AOPEP: variants seen among roughly 807,000 people sequenced by gnomAD.
AOPEP encodes aminopeptidase O.
A neutral mutation model predicts 98.1 loss-of-function variants in AOPEP; 77 were observed. That is an observed-to-expected ratio of 0.78 (90% CI 0.65 to 0.95). The LOEUF (loss-of-function observed/expected upper bound fraction) is 0.95. Among genes scored for constraint, AOPEP ranks in the 40% least tolerant of loss-of-function variants. The probability of loss-of-function intolerance (pLI) is 0.00; values close to 1 mark genes in which losing one functional copy is unlikely to be tolerated. For synonymous variants in AOPEP, 346 were observed against 365.3 expected, an observed-to-expected ratio of 0.95 and a Z score of 0.60; for missense variants, 1,024 against 1,024.7, an observed-to-expected ratio of 1.00 and a Z score of 0.01.
chr9:95,147,584 C>T, the AOPEP span, among the ~76,000 whole-genome samples: 1 of 152,158 alleles, frequency 6.6e-6, no homozygotes, highest in Non-Finnish European at 1.5e-5. Flanking sequence ...GAGATGGAGA[C>T]ATCTGCTACA....
At chr9:94,996,975 A>C (rs879663037) in intron 11 of AOPEP, among the ~76,000 whole-genome samples, 2 of 152,212 alleles carry the variant, frequency 1.3e-5, no homozygotes, top group Non-Finnish European at 2.9e-5. Context: ...GTTCATTTCA[A>C]GGGAATGGAT....
At chr9:94,754,064 A>C (rs1340706016) in intron 1 of AOPEP, among the ~76,000 whole-genome samples, 16 of 152,236 alleles carry the variant, frequency 1.1e-4, no homozygotes, top group Admixed American at 1.0e-3. Context: ...ATTTATATAC[A>C]TCAACATGTC....
chr9:94,946,824 A>ACTGAACACAGCCTGCTTTGAGG (rs2057684623), intron 7 of AOPEP, among the ~76,000 whole-genome samples: 1 of 152,158 alleles, frequency 6.6e-6, no homozygotes, highest in Non-Finnish European at 1.5e-5. Flanking sequence ...TGACAACTGA[A>ACTGAACACAGCCTGCTTTGAGG]CTGAACACAG....
At chr9:95,137,870 G>A in the AOPEP span, among the ~76,000 whole-genome samples, 2 of 152,212 alleles carry the variant, frequency 1.3e-5, no homozygotes, top group African/African-American at 2.4e-5. Flanking sequence ...TGAGTGTGCC[G>A]GGCAGGCCCT....
intron 11 of AOPEP, among the ~76,000 whole-genome samples, chr9:94,987,056 T>C (rs1263402429): frequency 6.6e-6 from 1 of 152,262 alleles, no homozygotes; most frequent in East Asian, 1.9e-4. Flanking sequence ...AAATCAGACC[T>C]CTGAGTCCAG....
At chr9:95,137,076 C>T in the AOPEP span, among the ~76,000 whole-genome samples, 1 of 152,194 alleles carries the variant, frequency 6.6e-6, no homozygotes, top group Non-Finnish European at 1.5e-5. Context: ...AAGGCTACTG[C>T]TATTAATAAG....
chr9:94,995,418 T>C (rs2061159470), intron 11 of AOPEP, among the ~76,000 whole-genome samples: 1 of 152,090 alleles, frequency 6.6e-6, no homozygotes, highest in African/African-American at 2.4e-5. Flanking sequence ...TTGTGTGACA[T>C]GCACGTCCAA....
chr9:94,745,778 A>G (rs115790238), intron 1 of AOPEP, among the ~76,000 whole-genome samples: 5,791 of 152,242 alleles, frequency 0.038, 352 homozygotes, highest in African/African-American at 0.13. Flanking sequence ...GTTAATGGAC[A>G]CTTAGGTTGA....
At chr9:95,005,666 C>A in intron 13 of AOPEP, 50 bp downstream of exon 13, 1 of 1,486,744 alleles carries the variant, frequency 6.7e-7, no homozygotes, top group Non-Finnish European at 9.4e-7. Context: ...AAATCCGCTT[C>A]TGCCCCGTGA....
At chr9:95,117,506 G>A in the AOPEP span, 1 of 756,530 alleles carries the variant, frequency 1.3e-6, no homozygotes, top group South Asian at 1.5e-5. Context: ...AACATGGTCA[G>A]AACACTTTCT....
intron 3 of AOPEP, among the ~76,000 whole-genome samples, chr9:94,776,040 G>A (rs1221265559): frequency 5.3e-5 from 8 of 151,552 alleles, no homozygotes; most frequent in Admixed American, 2.0e-4. Flanking sequence ...TAACATTTAC[G>A]TGGTTCATTT....
intron 7 of AOPEP, among the ~76,000 whole-genome samples, chr9:94,942,738 T>C (rs2057142844): frequency 6.6e-6 from 1 of 152,016 alleles, no homozygotes; most frequent in Non-Finnish European, 1.5e-5. Flanking sequence ...AGATATAGGA[T>C]CAACATACAA....
the AOPEP span, chr9:95,107,421 A>T: frequency 1.3e-6 from 1 of 783,690 alleles, no homozygotes; most frequent in Non-Finnish European, 2.1e-6. Flanking sequence ...TTTACACTCG[A>T]TTTCACACAA....
At chr9:94,894,497 C>G (rs917522278) in intron 5 of AOPEP, among the ~76,000 whole-genome samples, 15 of 152,044 alleles carry the variant, frequency 9.9e-5, no homozygotes, top group Admixed American at 8.5e-4. Flanking sequence ...TATGAGTCAC[C>G]AAAAATTGAT....
chr9:95,036,565 C>T (rs1325192947), intron 13 of AOPEP, among the ~76,000 whole-genome samples: 1 of 152,126 alleles, frequency 6.6e-6, no homozygotes, highest in Admixed American at 6.5e-5. Context: ...TTTACTTGCT[C>T]TTTATAAACA....
At chr9:94,899,616 G>C (rs111876266) in intron 5 of AOPEP, among the ~76,000 whole-genome samples, 4,376 of 151,722 alleles carry the variant, frequency 0.029, 172 homozygotes, top group African/African-American at 0.084. Context: ...CAGACGTGGC[G>C]GTGTGCACCT....
At chr9:94,875,363 A>G (rs2046826266) in intron 5 of AOPEP, among the ~76,000 whole-genome samples, 1 of 150,930 alleles carries the variant, frequency 6.6e-6, no homozygotes, top group Admixed American at 6.6e-5. Flanking sequence ...AAAAAAAAAA[A>G]AAAAAAAAAG....
chr9:95,013,042 T>A (rs2132963024), intron 13 of AOPEP, among the ~76,000 whole-genome samples: 1 of 149,460 alleles, frequency 6.7e-6, no homozygotes, highest in Non-Finnish European at 1.5e-5. Context: ...GAGCTTGGAT[T>A]CCTAAAGACC....
At chr9:94,861,896 C>A (rs555231725) in intron 5 of AOPEP, among the ~76,000 whole-genome samples, 42 of 152,338 alleles carry the variant, frequency 2.8e-4, no homozygotes, top group African/African-American at 9.9e-4. Context: ...CTACGTCTTT[C>A]ATGAGGCTAG....
Sources: gnomAD v4.1 joint callset for allele counts (sites outside exome capture counted in the v4.1 genomes callset) on GRCh38, gnomAD v4.1.1 for gene constraint, MANE v1.5 for transcripts, NCBI Gene and HGNC (gene_info 2026-07-23, HGNC 2026-07-21) for gene names.